Variants in ZBTB11 observed in about 807,000 individuals in gnomAD.
ZBTB11 encodes the protein zinc finger and BTB domain containing 11.
Under a neutral mutation model 113.1 loss-of-function variants are expected in ZBTB11, and 68 were observed. The observed-to-expected ratio is 0.60, with a 90% confidence interval of 0.49 to 0.74. ZBTB11 has a LOEUF of 0.74. Among genes scored for constraint, ZBTB11 ranks in the 30% least tolerant of loss-of-function variants. The pLI, the probability that ZBTB11 is intolerant of heterozygous loss-of-function variation, is 0.00. For missense variants in ZBTB11, 1,104 were observed against 1,279.4 expected (o/e 0.86, Z 2.09); for synonymous variants, 518 against 452.6 (o/e 1.14, Z -1.83).
intron 6 of ZBTB11, 83 bp from the exon 7 acceptor site, chr3:101,656,331 ATTATT>A: frequency 2.6e-6 from 2 of 762,320 alleles, no homozygotes; most frequent in Non-Finnish European, 3.5e-6. Flanking sequence ...AAATGAATAT[ATTATT>A]TTAAATAAAT....
Position 101,657,205 on chromosome 3 carries a change from G to T in ZBTB11, c.2047-957C>A, listed in dbSNP as rs569227025. ...TAAAGTGATCCTTAGGAAGGACTTG[G>T]CTTCAAAATAACTGGCGGAGCTGGG... On this transcript the variant is annotated intron_variant, in intron 6 of 10. Coordinates refer to ENST00000312938, the MANE Select transcript of ZBTB11 (RefSeq NM_014415.4). Among the ~76,000 whole-genome samples the T allele has an allele frequency of 2.6e-5, 4 of 151,370 alleles. No individual in the cohort carries two copies. The South Asian group carries it at 6.3e-4, about 24-fold the overall frequency.
rs546284345 is a variant in ZBTB11, at chr3:101,649,951, G to C, written c.*1215C>G. 1 of 152,710 alleles carries C rather than the reference G, an allele frequency of 6.5e-6. No homozygotes were observed. The allele number at this position is 152,710 out of a possible 1,614,324, so 9.5% of individuals were successfully genotyped here. The stretch of plus-strand genomic sequence containing the variant: ...TCTTTGAGTGGTAGTTTCCCAGAGA[G>C]AAATGTGGCATCTCTCATGGTTATT... On this transcript the variant is annotated 3_prime_UTR_variant, in exon 11 of 11. Transcript: ENST00000312938.
At position 101,651,221 on chromosome 3, in the gene ZBTB11, G is replaced by C. The variant is rs753229892; in HGVS notation, c.3107C>G (p.Ala1036Gly). Residue 1036 changes from alanine (A) to glycine (G), a missense_variant, in exon 11 of 11, where the codon GCA (alanine) becomes GGA (glycine). This residue lies in a region of ZBTB11 where 90 missense variants were observed against 98.0 expected (regional missense o/e 0.92). Transcript: ENST00000312938. ...TACTTTAACAGTTTGAATAGCTTCT[G>C]CAACTTCAGATAGCTTCTGTCCTTG... ...QQQGQKLSEV[A>G]EAIQTVKVEV... is the part of the protein sequence containing the mutation. 1.2e-6 allele frequency: 2 copies of C among 1,611,544 alleles called. No homozygotes were observed. The highest frequency in any genetic ancestry group is 8.5e-7 in the Non-Finnish European group (1 of 1,179,228).
intron 1 of ZBTB11, among the ~76,000 whole-genome samples, chr3:101,675,595 T>C (rs948552257): frequency 5.9e-5 from 9 of 152,214 alleles, no homozygotes; most frequent in African/African-American, 1.9e-4. Context: ...TCATTAACTG[T>C]GGAGAGTGAA....
rs549341564 is a variant in ZBTB11 at position 101,652,690 on chromosome 3, C to T, written c.2469-19G>A. ...ATTACACCTAAAATAGGGGAAAAGA[C>T]CCAATTATTTTGTCCAAAGAAGTAG... On this transcript the variant is annotated intron_variant, in intron 9 of 10. Transcript: ENST00000312938. 324 of 1,612,318 alleles carry T rather than the reference C, an allele frequency of 2.0e-4. 1 individual carries two copies. The South Asian group carries it at 3.1e-3, about 15-fold the overall frequency.
chr3:101,662,160 C>T (rs115899523), intron 5 of ZBTB11: 2,320 of 151,944 alleles, frequency 0.015, 27 homozygotes, highest in Non-Finnish European at 0.024. Context: ...AACTTCGGGC[C>T]AGCCAATATG....
At chr3:101,660,254 G>C (rs980135763) in intron 5 of ZBTB11, among the ~76,000 whole-genome samples, 2 of 152,116 alleles carry the variant, frequency 1.3e-5, no homozygotes, top group African/African-American at 4.8e-5. Flanking sequence ...CAACAAGGTT[G>C]GGCTTGAAAT....
At position 101,671,182 on chromosome 3, in the gene ZBTB11, A is replaced by G; in HGVS notation, c.726T>C (p.Leu242=). The change falls in exon 3 of 11, where the codon CTT becomes CTC. Residue 242 remains leucine (L), a synonymous_variant. Coordinates refer to ENST00000312938, the MANE Select transcript of ZBTB11 (RefSeq NM_014415.4). ...TGGAAACAGCTCCTTTCTCAATAAA[A>G]AGATCTCGAAAATACTCGCTATTTG... ...LSANSEYFRD[L]FIEKGAVSSH... 6.2e-7 allele frequency: 1 copy of G among 1,614,192 alleles called. No individual in the cohort carries two copies. The highest frequency in any genetic ancestry group is 8.5e-7 in the Non-Finnish European group (1 of 1,180,022).
intron 6 of ZBTB11, among the ~76,000 whole-genome samples, chr3:101,659,225 A>T (rs917578920): frequency 5.9e-5 from 9 of 152,236 alleles, no homozygotes; most frequent in Admixed American, 5.2e-4. Context: ...TGAGAGATAG[A>T]ACAAGACCTT....
At chr3:101,661,791 C>A (rs1335709441) in intron 5 of ZBTB11, among the ~76,000 whole-genome samples, 1 of 152,152 alleles carries the variant, frequency 6.6e-6, no homozygotes, top group African/African-American at 2.4e-5. Flanking sequence ...AAACTTCTAT[C>A]CTTAAGTTCT....
chr3:101,668,542 T>C (rs890650483), intron 3 of ZBTB11, among the ~76,000 whole-genome samples: 3 of 151,698 alleles, frequency 2.0e-5, no homozygotes, highest in African/African-American at 7.3e-5. Flanking sequence ...AGCAGGAAAA[T>C]TGCTTGAGCC....
At position 101,652,538 on chromosome 3, in the gene ZBTB11, T is replaced by C; in HGVS notation, c.2602A>G (p.Thr868Ala). The change falls in exon 10 of 11, where the codon ACT (threonine) becomes GCT (alanine). Residue 868 changes from threonine to alanine, a missense_variant. Transcript: ENST00000312938. Reference protein sequence around the residue: ...RVCEKCGRKFTQLREYRRHMN... With the variant: ...RVCEKCGRKFAQLREYRRHMN... The stretch of plus-strand genomic sequence containing the variant: ...TGTCTCCTATACTCTCTTAGCTGAG[T>C]GAATTTTCTTCCACATTTTTCACAC... 6.2e-7 allele frequency: 1 copy of C among 1,614,184 alleles called. No individual in the cohort carries two copies. Among genetic ancestry groups the C allele is most frequent in the South Asian group, 1.1e-5 (1 of 91,084 alleles).
intron 5 of ZBTB11, among the ~76,000 whole-genome samples, chr3:101,660,299 T>C (rs1275134414): frequency 3.3e-5 from 5 of 152,184 alleles, no homozygotes; most frequent in Non-Finnish European, 7.3e-5. Flanking sequence ...AAGATAGAAT[T>C]CTATCATTAG....
intron 1 of ZBTB11, among the ~76,000 whole-genome samples, chr3:101,674,966 T>TA (rs1417836503): frequency 6.6e-6 from 1 of 152,152 alleles, no homozygotes; most frequent in Non-Finnish European, 1.5e-5. Flanking sequence ...GTAAAACAGA[T>TA]AGAGGCTGAA....
intron 1 of ZBTB11, 149 bp downstream of exon 1, chr3:101,676,456 C>T (rs1576655437): frequency 2.4e-6 from 2 of 818,336 alleles, no homozygotes; most frequent in African/African-American, 1.8e-5. Flanking sequence ...CTTTCGCGTC[C>T]CCCACCCTCT....
At chr3:101,668,396 G>A (rs975527179) in intron 3 of ZBTB11, among the ~76,000 whole-genome samples, 1 of 152,140 alleles carries the variant, frequency 6.6e-6, no homozygotes. Context: ...AGTGCTTTGA[G>A]AGGGTGAGGC....
At position 101,659,732 on chromosome 3, in the gene ZBTB11, T is replaced by C. The variant is rs758917045; in HGVS notation, c.2046+51A>G. ...ATCCCACCAGTCTCTTTGGCACACA[T>C]AGTTAAGTTCTAATGTTCTTTAAAT... On this transcript the variant is annotated intron_variant, in intron 6 of 10. Coordinates refer to ENST00000312938, the MANE Select transcript of ZBTB11 (RefSeq NM_014415.4). 8.1e-6 allele frequency: 13 copies of C among 1,597,014 alleles called. No homozygotes were observed. In the African/African-American group the frequency reaches 9.4e-5, roughly 12 times the overall value.
At chr3:101,663,678 C>G (rs1052677941) in intron 5 of ZBTB11, among the ~76,000 whole-genome samples, 1 of 152,064 alleles carries the variant, frequency 6.6e-6, no homozygotes, top group Non-Finnish European at 1.5e-5. Context: ...ATCATTTGAG[C>G]TCAGGAGTTT....
intron 3 of ZBTB11, among the ~76,000 whole-genome samples, chr3:101,670,135 T>C (rs1049133849): frequency 1.3e-5 from 2 of 152,194 alleles, no homozygotes; most frequent in African/African-American, 2.4e-5. Context: ...GCCGTTATTA[T>C]TGCTTTCTAT....
Sources: gnomAD v4.1 joint callset for allele counts (sites outside exome capture counted in the v4.1 genomes callset) on GRCh38, gnomAD v4.1.1 for gene constraint, gnomAD v4.1.1 regional missense constraint, MANE v1.5 for transcripts, NCBI Gene and HGNC (gene_info 2026-07-23, HGNC 2026-07-21) for gene names.